NRL: variants seen among roughly 807,000 people sequenced by gnomAD.
NRL encodes the protein neural retina leucine zipper.
A neutral mutation model predicts 12.5 loss-of-function variants in NRL; 16 were observed. The ratio of observed to expected loss-of-function variants is 1.28; its 90% confidence interval spans 0.87 to 1.95. NRL has a LOEUF of 1.95. Among genes scored for constraint, NRL ranks in the 30% most tolerant of loss-of-function variants. The pLI is 0.00. For missense variants in NRL, 314 were observed against 325.8 expected, an observed-to-expected ratio of 0.96 and a Z score of 0.28; for synonymous variants, 142 against 150.9, an observed-to-expected ratio of 0.94 and a Z score of 0.43.
chr14:24,091,299 C>T (rs572316608), intron 1 of NRL, among the ~76,000 whole-genome samples: 244 of 152,202 alleles, frequency 1.6e-3, no homozygotes, highest in African/African-American at 5.7e-3. Context: ...TACCGGCGTG[C>T]GCCACCACAC....
chr14:24,096,904 TG>T, intron 1 of NRL: 1 of 1,613,404 alleles, frequency 6.2e-7, no homozygotes, highest in Non-Finnish European at 8.5e-7. Flanking sequence ...TTAACTGGCA[TG>T]GGCTGAGCCC....
intron 2 of NRL, chr14:24,082,001 C>T: frequency 8.3e-7 from 1 of 1,204,456 alleles, no homozygotes; most frequent in Non-Finnish European, 1.0e-6. Flanking sequence ...CATCCTAATG[C>T]CCGCAACACC....
At chr14:24,086,194 A>T (rs2036461511) in intron 1 of NRL, among the ~76,000 whole-genome samples, 1 of 152,212 alleles carries the variant, frequency 6.6e-6, no homozygotes, top group African/African-American at 2.4e-5. Context: ...AGCTTGGGCA[A>T]CAGAGAGAGA....
At chr14:24,097,460 A>C (rs2036940122) in intron 1 of NRL, among the ~76,000 whole-genome samples, 1 of 149,584 alleles carries the variant, frequency 6.7e-6, no homozygotes, top group South Asian at 2.3e-4. Context: ...GCTACTTGGG[A>C]GGGTGAGGCA....
chr14:24,102,544 A>G (rs2037202523), intron 1 of NRL: 1 of 547,008 alleles, frequency 1.8e-6, no homozygotes, highest in Admixed American at 3.2e-5. Flanking sequence ...TTTCTCACAT[A>G]GCTCAGCTGG....
At position 24,103,201 on chromosome 14, in the gene NRL, G is replaced by A. The variant is rs199675343; in HGVS notation, c.-28+11521C>T. On this transcript the variant is annotated intron_variant, in intron 1 of 2. Coordinates refer to ENST00000561028, the MANE Select transcript of NRL (RefSeq NM_001354768.3). ...CGAGGCCTTCAACTGGCGTCATGGG[G>A]TGTTTGTGGGCAGCGCCATGCGCTC... 160 of 1,614,064 alleles carry A rather than the reference G, an allele frequency of 9.9e-5. No individual in the cohort carries two copies. The Middle Eastern group carries it at 1.3e-3, about 13-fold the overall frequency.
rs10132601 is a variant in NRL, at chr14:24,097,052, G to A, written c.-27-14177C>T. The A allele has an allele frequency of 1.1e-3, 1,714 of 1,613,702 alleles. 19 individuals carry two copies. The African/African-American group carries it at 0.018, about 17-fold the overall frequency. Reference sequence around the variant, plus strand: ...CCAACCAGAGGGCATCCACATCTGTGATGGAACTGAGGCTGAGAATACTGC... The same window carrying A: ...CCAACCAGAGGGCATCCACATCTGTAATGGAACTGAGGCTGAGAATACTGC... On this transcript the variant is annotated intron_variant, in intron 1 of 2. Transcript: ENST00000561028.
In NRL at chr14:24,094,425, C is replaced by T. The variant is rs773529403; in HGVS notation, c.-27-11550G>A. 6.4e-7 allele frequency: 1 copy of T among 1,557,886 alleles called. No homozygotes were observed. Among genetic ancestry groups the T allele is most frequent in the Non-Finnish European group, 8.6e-7 (1 of 1,156,696 alleles). On this transcript the variant is annotated intron_variant, in intron 1 of 2. Transcript: ENST00000561028. This position sits in a 1 kb window ranked among gnomAD's most constrained non-coding sequence, Gnocchi z 4.1. ...GGTGCCATGGCCGCATTGTACCGCC[C>T]TGGCCTGCGGTGAGTGACCCCCGGC...
chr14:24,092,500 C>T (rs1047854627), intron 1 of NRL, among the ~76,000 whole-genome samples: 12 of 152,210 alleles, frequency 7.9e-5, no homozygotes, highest in Non-Finnish European at 1.8e-4. Context: ...TTCAGGTCAA[C>T]CATGCTGCCA....
intron 1 of NRL, 70 bp downstream of exon 1, chr14:24,114,652 A>G: frequency 1.0e-6 from 1 of 976,028 alleles, no homozygotes; most frequent in Non-Finnish European, 1.2e-6. Flanking sequence ...CTCCCCAGCA[A>G]GAGCTAACAG....
chr14:24,089,096 G>A (rs189520081), intron 1 of NRL, among the ~76,000 whole-genome samples: 158 of 151,786 alleles, frequency 1.0e-3, no homozygotes, highest in Non-Finnish European at 1.4e-3. Flanking sequence ...GAGCCACTGC[G>A]CCTGGCCTAA....
In NRL at chr14:24,114,799, G is replaced by A. The variant is rs1415204687; in HGVS notation, c.-105C>T. On this transcript the variant is annotated 5_prime_UTR_variant, in exon 1 of 3. Coordinates refer to ENST00000561028, the MANE Select transcript of NRL (RefSeq NM_001354768.3). ...GTCGTGTGACGTTTGCAGCCCGCCGGCCAGGAAGCCGCGAGATGCGTGACG... is the reference window on the plus strand; with the variant it reads ...GTCGTGTGACGTTTGCAGCCCGCCGACCAGGAAGCCGCGAGATGCGTGACG... 1.0e-6 allele frequency: 1 copy of A among 985,958 alleles called. No homozygotes were observed. Among genetic ancestry groups the A allele is most frequent in the Non-Finnish European group, 1.2e-6 (1 of 829,956 alleles). 61.1% of individuals were successfully genotyped at this position (985,958 alleles called of 1,614,324 possible). A position where few individuals can be genotyped will look rare whatever the true frequency, so the allele number is the denominator to read the frequency against.
rs2036245655 is a variant in NRL, at chr14:24,080,450, A to AG, written c.*785dup. 1 of 152,442 alleles carries AG rather than the reference A, an allele frequency of 6.6e-6. No homozygotes were observed. Among genetic ancestry groups the AG allele is most frequent in the Non-Finnish European group, 1.5e-5 (1 of 68,026 alleles). 9.4% of individuals were successfully genotyped at this position (152,442 alleles called of 1,614,324 possible). A position where few individuals can be genotyped will look rare whatever the true frequency, so the allele number is the denominator to read the frequency against. ...AGATTGTCTTGGGGACTTCTTGGGGAGACCACCGGGACTTCCATACTGGGG... is the reference window on the plus strand; with the variant it reads ...AGATTGTCTTGGGGACTTCTTGGGGAGGACCACCGGGACTTCCATACTGGGG... On this transcript the variant is annotated 3_prime_UTR_variant, in exon 3 of 3. Transcript: ENST00000561028.
chr14:24,109,283 G>A (rs1434480388), intron 1 of NRL, among the ~76,000 whole-genome samples: 1 of 152,130 alleles, frequency 6.6e-6, no homozygotes, highest in Non-Finnish European at 1.5e-5. Context: ...TATTTTTAAA[G>A]ATATGCCATT....
At chr14:24,103,385 T>C (rs1393690104) in intron 1 of NRL, 21 of 1,160,638 alleles carry the variant, frequency 1.8e-5, no homozygotes, top group Non-Finnish European at 2.5e-5. Flanking sequence ...CACTTCTATC[T>C]TTTCCCCATC....
At chr14:24,090,791 G>T (rs1382287982) in intron 1 of NRL, among the ~76,000 whole-genome samples, 1 of 152,226 alleles carries the variant, frequency 6.6e-6, no homozygotes, top group Non-Finnish European at 1.5e-5. Context: ...GCAGATAAGG[G>T]GAAATGAGCA....
Position 24,094,606 on chromosome 14 carries a change from G to A in NRL, c.-27-11731C>T. 6 of 1,462,120 alleles carry A rather than the reference G, an allele frequency of 4.1e-6. No individual in the cohort carries two copies. The East Asian group carries it at 1.3e-4, about 30-fold the overall frequency. The allele number at this position is 1,462,120 out of a possible 1,614,324, so 90.6% of individuals were successfully genotyped here. On this transcript the variant is annotated intron_variant, in intron 1 of 2. Coordinates refer to ENST00000561028, the MANE Select transcript of NRL (RefSeq NM_001354768.3). This position sits in a 1 kb window ranked among gnomAD's most constrained non-coding sequence, Gnocchi z 4.1. ...CTCCCGCGCCGCGCGTCTCTTGGGAGGGCAGCCGGCCGGTGCTCCTCGTTT... is the reference window on the plus strand; with the variant it reads ...CTCCCGCGCCGCGCGTCTCTTGGGAAGGCAGCCGGCCGGTGCTCCTCGTTT...
At chr14:24,112,311 G>A (rs1269658438) in intron 1 of NRL, among the ~76,000 whole-genome samples, 1 of 147,788 alleles carries the variant, frequency 6.8e-6, no homozygotes, top group African/African-American at 2.5e-5. Flanking sequence ...TTTTGGTTGT[G>A]TCTCTGCCCG....
At chr14:24,097,564 C>CAAA (rs61077083) in intron 1 of NRL, among the ~76,000 whole-genome samples, 1 of 138,898 alleles carries the variant, frequency 7.2e-6, no homozygotes. Context: ...AACTCTGTCT[C>CAAA]AAAAAAAAAA....
Sources: gnomAD v4.1 joint callset for allele counts (sites outside exome capture counted in the v4.1 genomes callset) on GRCh38, gnomAD v4.1.1 for gene constraint, Gnocchi (gnomAD v3.1) non-coding constraint, MANE v1.5 for transcripts, NCBI Gene and HGNC (gene_info 2026-07-23, HGNC 2026-07-21) for gene names.